CKAP2L: variants seen among roughly 807,000 people sequenced by gnomAD.
The protein encoded by CKAP2L is cytoskeleton associated protein 2L, also known as cytoskeleton-associated protein 2-like.
A neutral mutation model predicts 65.7 loss-of-function variants in CKAP2L; 42 were observed. The ratio of observed to expected loss-of-function variants is 0.64; its 90% CI spans 0.50 to 0.83. The LOEUF (loss-of-function observed/expected upper bound fraction) is 0.83. Ranked by LOEUF, CKAP2L falls within the 40% of genes least tolerant of loss-of-function variation. The pLI is 0.00. For synonymous variants in CKAP2L, 325 were observed against 313.5 expected (o/e 1.04, Z -0.39); for missense variants, 908 against 871.0 (o/e 1.04, Z -0.53).
intron 6 of CKAP2L, among the ~76,000 whole-genome samples, chr2:112,744,338 T>G (rs1228953998): frequency 6.6e-6 from 1 of 151,886 alleles, no homozygotes; most frequent in Non-Finnish European, 1.5e-5. Flanking sequence ...CTTGAGAGAG[T>G]TGAATCCCAA....
At chr2:112,758,216 A>T (rs1344851537) in intron 3 of CKAP2L, among the ~76,000 whole-genome samples, 1 of 152,230 alleles carries the variant, frequency 6.6e-6, no homozygotes, top group Non-Finnish European at 1.5e-5. Flanking sequence ...TCGATTACAG[A>T]GAATTTTGAA....
intron 7 of CKAP2L, among the ~76,000 whole-genome samples, chr2:112,741,237 T>A (rs1679939441): frequency 6.6e-6 from 1 of 151,952 alleles, no homozygotes. Flanking sequence ...CCCCCGAGAC[T>A]GCTGTACGTA....
intron 1 of CKAP2L, among the ~76,000 whole-genome samples, chr2:112,762,800 T>C (rs1680766467): frequency 6.6e-6 from 1 of 152,018 alleles, no homozygotes; most frequent in Non-Finnish European, 1.5e-5. Context: ...TTTTTTTTTT[T>C]TGAGACAGGG....
At position 112,756,751 on chromosome 2, in the gene CKAP2L, C is replaced by T; in HGVS notation, c.620G>A (p.Ser207Asn). 1 of 1,601,156 alleles carries T rather than the reference C, an allele frequency of 6.2e-7. No homozygotes were observed. Among genetic ancestry groups the T allele is most frequent in the Non-Finnish European group, 8.5e-7 (1 of 1,176,128 alleles). The stretch of plus-strand genomic sequence containing the variant: ...ATTATAAGAGTCAGTCTTTGGCTTA[C>T]TTCTGGTATATAATTTAGGATCTGG... The part of the protein sequence containing the change: ...RKPDPKLYTR[S>N]KPKTDSYNQT... Residue 207 changes from serine (S) to asparagine (N), a missense_variant, in exon 4 of 9, where the codon AGT (serine) becomes AAT (asparagine). Coordinates refer to ENST00000302450, the MANE Select transcript of CKAP2L (RefSeq NM_152515.5).
At position 112,756,209 on chromosome 2, in the gene CKAP2L, A is replaced by G. The variant is rs184161617; in HGVS notation, c.1162T>C (p.Ser388Pro). 23 of 1,614,188 alleles carry G rather than the reference A, an allele frequency of 1.4e-5. No homozygotes were observed. In the Admixed American group the frequency reaches 3.5e-4, roughly 25 times the overall value. ...RPNLTVGRFN[S>P]AIPSTPSIRP... The stretch of plus-strand genomic sequence containing the variant: ...ATGCTAGGGGTGCTTGGAATGGCTG[A>G]ATTAAATCTGCCAACTGTCAAATTA... The change falls in exon 4 of 9, where the codon TCA (serine) becomes CCA (proline). Residue 388 changes from serine to proline, a missense_variant. Physicochemically the swap from Ser to Pro is moderately conservative, Grantham distance 74 (BLOSUM62 -1). Coordinates refer to ENST00000302450, the MANE Select transcript of CKAP2L (RefSeq NM_152515.5).
At chr2:112,745,261 A>G (rs1680169564) in intron 6 of CKAP2L, among the ~76,000 whole-genome samples, 1 of 152,250 alleles carries the variant, frequency 6.6e-6, no homozygotes, top group Non-Finnish European at 1.5e-5. Flanking sequence ...AATTAATTAT[A>G]TAATAAATAC....
At chr2:112,763,178 C>T (rs866323547) in intron 1 of CKAP2L, among the ~76,000 whole-genome samples, 1 of 152,124 alleles carries the variant, frequency 6.6e-6, no homozygotes, top group Non-Finnish European at 1.5e-5. Context: ...CCCAAAGTTA[C>T]CCAGCTAATA....
chr2:112,760,914 T>C, intron 2 of CKAP2L, 150 bp from the exon 3 acceptor site: 1 of 580,296 alleles, frequency 1.7e-6, no homozygotes, highest in Non-Finnish European at 3.1e-6. Flanking sequence ...TAATAAAGTC[T>C]CCTTATCATC....
In CKAP2L at chr2:112,736,672, A is replaced by G. The variant is rs922569273; in HGVS notation, c.*2151T>C. 6.6e-6 allele frequency: 1 copy of G among 152,072 alleles called. No individual in the cohort carries two copies. Among genetic ancestry groups the G allele is most frequent in the Non-Finnish European group, 1.5e-5 (1 of 68,028 alleles). The allele number at this position is 152,072 out of a possible 1,614,324, so 9.4% of individuals were successfully genotyped here. The stretch of plus-strand genomic sequence containing the variant: ...TCTTTCTTAAAAAATTAAATATTCC[A>G]TATGTGAGATCATGCAGTATTTTTC... On this transcript the variant is annotated 3_prime_UTR_variant, in exon 9 of 9. Transcript: ENST00000302450.
At chr2:112,741,330 CTGG>C (rs1679947778) in intron 7 of CKAP2L, among the ~76,000 whole-genome samples, 1 of 152,176 alleles carries the variant, frequency 6.6e-6, no homozygotes, top group Admixed American at 6.5e-5. Context: ...GGACTAATCA[CTGG>C]CCTTCTACCC....
At position 112,756,185 on chromosome 2, in the gene CKAP2L, T is replaced by C. The variant is rs772245567; in HGVS notation, c.1186A>G (p.Ile396Val). 2.2e-5 allele frequency: 36 copies of C among 1,614,176 alleles called. No homozygotes were observed. In the Middle Eastern group the frequency reaches 1.8e-3, roughly 81 times the overall value. The change falls in exon 4 of 9, where the codon ATA (isoleucine) becomes GTA (valine). Residue 396 changes from isoleucine to valine, a missense_variant. Physicochemically the swap from Ile to Val is conservative, Grantham distance 29. Transcript: ENST00000302450. ...TTACCACTGGTTCCATTTGGTCTTATGCTAGGGGTGCTTGGAATGGCTGAA... is the reference window on the plus strand; with the variant it reads ...TTACCACTGGTTCCATTTGGTCTTACGCTAGGGGTGCTTGGAATGGCTGAA... The part of the protein sequence containing the change: ...FNSAIPSTPS[I>V]RPNGTSGNKH...
Position 112,746,561 on chromosome 2 carries a change from A to G in CKAP2L, c.1617T>C (p.Asn539=), listed in dbSNP as rs1335620571. 6.2e-7 allele frequency: 1 copy of G among 1,610,292 alleles called. No homozygotes were observed. The highest frequency in any genetic ancestry group is 1.1e-5 in the South Asian group (1 of 90,736). ...TGCTGGACAATATGTTAAGTATTTC[A>G]TTAGAAGGTACACCCTGAAATAAAC... The part of the protein sequence containing the change: ...LNLIEGGVPS[N]EILNILSSIP... The change falls in exon 6 of 9, where the codon AAT becomes AAC. Residue 539 remains asparagine, a synonymous_variant. Coordinates refer to ENST00000302450, the MANE Select transcript of CKAP2L (RefSeq NM_152515.5).
intron 5 of CKAP2L, 22 bp from the exon 6 acceptor site, chr2:112,746,597 A>G (rs375361041): frequency 1.3e-6 from 2 of 1,557,146 alleles, no homozygotes; most frequent in Non-Finnish European, 1.8e-6. Flanking sequence ...CAAAATATCC[A>G]GAGGTAATTA....
intron 5 of CKAP2L, among the ~76,000 whole-genome samples, chr2:112,748,504 T>A (rs762253659): frequency 2.8e-4 from 42 of 152,164 alleles, no homozygotes; most frequent in Admixed American, 3.9e-4. Flanking sequence ...GGTTTGCCAT[T>A]CAAAAATCAT....
chr2:112,738,970 C>G lies in CKAP2L; in HGVS notation c.2091G>C (p.Val697=). The G allele has an allele frequency of 6.2e-7, 1 of 1,614,164 alleles. No homozygotes were observed. The highest frequency in any genetic ancestry group is 1.3e-5 in the African/African-American group (1 of 75,030). ...CCTGCAGCATTTCTGGGTAGCGGGA[C>G]ACTGCTCGCTCAATCCTCGACGAAC... ...VRRSSRIERA[V]SRYPEMLQEH... Residue 697 remains valine (V), a synonymous_variant, in exon 9 of 9, where the codon GTG becomes GTC. Coordinates refer to ENST00000302450, the MANE Select transcript of CKAP2L (RefSeq NM_152515.5).
rs1200791301 is a variant in CKAP2L, at chr2:112,742,737, A to G, written c.1791T>C (p.Asn597=). The G allele has an allele frequency of 6.2e-7, 1 of 1,609,336 alleles. No homozygotes were observed. Residue 597 remains asparagine, a synonymous_variant, in exon 7 of 9, where the codon AAT becomes AAC. Coordinates refer to ENST00000302450, the MANE Select transcript of CKAP2L (RefSeq NM_152515.5). ...TGGTTCTGTTTGAGTCTTGCAAGAT[A>G]TTAAGAACAACTTTCCGCAACTCTT... ...PIQELRKVVL[N]ILQDSNRTTE... is the part of the protein sequence containing the mutation.
At chr2:112,763,586 G>C (rs1402130477) in intron 1 of CKAP2L, 1 of 152,104 alleles carries the variant, frequency 6.6e-6, no homozygotes, top group Non-Finnish European at 1.5e-5. Flanking sequence ...GAGACGAAAA[G>C]AAGTATGGGA....
chr2:112,754,343 A>G (rs1043666134), intron 4 of CKAP2L, among the ~76,000 whole-genome samples: 9 of 152,168 alleles, frequency 5.9e-5, no homozygotes, highest in African/African-American at 2.2e-4. Context: ...TGCAATATTT[A>G]TTATTTCAGC....
intron 7 of CKAP2L, 120 bp from the exon 8 acceptor site, chr2:112,741,127 AT>A (rs777572207): frequency 6.7e-5 from 47 of 702,456 alleles, no homozygotes; most frequent in Non-Finnish European, 1.1e-4. Context: ...TGGGCTCCAC[AT>A]ACTGAATAGT....
Sources: allele counts gnomAD v4.1 joint callset (sites outside exome capture counted in the v4.1 genomes callset), GRCh38; gene constraint gnomAD v4.1.1; transcripts MANE v1.5; gene names NCBI Gene and HGNC (gene_info 2026-07-23, HGNC 2026-07-21).